KIAA1328: variants seen among roughly 807,000 people sequenced by gnomAD.
KIAA1328 encodes KIAA1328.
Under a neutral mutation model 68.1 loss-of-function variants are expected in KIAA1328, and 52 were observed. The observed-to-expected ratio is 0.76, with a 90% CI of 0.61 to 0.96. The LOEUF is 0.96. KIAA1328 is among the 40% of genes least tolerant of loss of function. The pLI, the probability that KIAA1328 is intolerant of heterozygous loss-of-function variation, is 0.00. For missense variants in KIAA1328, 641 were observed against 677.6 expected (o/e 0.95, Z 0.60); for synonymous variants, 232 against 239.4 (o/e 0.97, Z 0.28).
At chr18:36,915,578 C>T (rs976581994) in intron 5 of KIAA1328, among the ~76,000 whole-genome samples, 7 of 152,126 alleles carry the variant, frequency 4.6e-5, no homozygotes, top group Admixed American at 2.6e-4. Context: ...ACATGTCCAA[C>T]ATCTTTACTC....
chr18:37,186,583 A>G (rs1018349792), intron 9 of KIAA1328, among the ~76,000 whole-genome samples: 1 of 151,498 alleles, frequency 6.6e-6, no homozygotes, highest in African/African-American at 2.4e-5. Context: ...AAAAAAAAAA[A>G]AAAACCATGA....
chr18:36,996,996 T>A (rs1057237382), intron 6 of KIAA1328, among the ~76,000 whole-genome samples: 4 of 152,176 alleles, frequency 2.6e-5, no homozygotes, highest in African/African-American at 9.7e-5. Flanking sequence ...GACATTCAAA[T>A]AGAAGGAAGC....
intron 7 of KIAA1328, among the ~76,000 whole-genome samples, chr18:37,139,512 C>T (rs1424368591): frequency 6.6e-6 from 1 of 152,020 alleles, no homozygotes; most frequent in African/African-American, 2.4e-5. Context: ...AATTTAAATG[C>T]TAGTTTATGG....
chr18:37,212,932 T>G (rs2060345574), intron 9 of KIAA1328, among the ~76,000 whole-genome samples: 1 of 152,102 alleles, frequency 6.6e-6, no homozygotes, highest in Admixed American at 6.6e-5. Flanking sequence ...TTGGCCAGGA[T>G]GGTCTCAAAC....
chr18:36,948,397 G>C (rs544596851), intron 5 of KIAA1328, among the ~76,000 whole-genome samples: 12 of 151,490 alleles, frequency 7.9e-5, no homozygotes, highest in Middle Eastern at 6.8e-3. Context: ...GAGTAGCTGG[G>C]ATTACAGGCA....
intron 6 of KIAA1328, among the ~76,000 whole-genome samples, chr18:37,059,449 T>A (rs1196493239): frequency 6.6e-6 from 1 of 152,152 alleles, no homozygotes; most frequent in Non-Finnish European, 1.5e-5. Context: ...AGCTCATCAT[T>A]ACTGGTCATT....
intron 3 of KIAA1328, among the ~76,000 whole-genome samples, chr18:36,837,911 T>G (rs1422973897): frequency 6.6e-6 from 1 of 152,232 alleles, no homozygotes; most frequent in Non-Finnish European, 1.5e-5. Flanking sequence ...GGGTTTATTT[T>G]TGGACTCTCT....
chr18:37,187,213 C>A (rs2059820375), intron 9 of KIAA1328, among the ~76,000 whole-genome samples: 1 of 151,720 alleles, frequency 6.6e-6, no homozygotes, highest in Non-Finnish European at 1.5e-5. Context: ...ACCCCCAAAT[C>A]CTAATAAATG....
chr18:37,096,857 CT>C (rs2057425247), intron 7 of KIAA1328, among the ~76,000 whole-genome samples: 2 of 152,272 alleles, frequency 1.3e-5, no homozygotes, highest in Non-Finnish European at 2.9e-5. Context: ...TGTCTTTTGG[CT>C]GCATAAATGT....
rs572166170 is a variant in KIAA1328, at chr18:36,845,278, A to C, written c.332+976A>C. Among the ~76,000 whole-genome samples the C allele has an allele frequency of 4.0e-5, 6 of 151,856 alleles. No homozygotes were observed. The South Asian group carries it at 1.2e-3, about 31-fold the overall frequency. ...TTGGCTGCCCTATTTTCTAAAGTAG[A>C]GTTTTCATTAATTTCAGTGTTCTTT... is the stretch of plus-strand genomic sequence containing the variant. On this transcript the variant is annotated intron_variant, in intron 4 of 9. Transcript: ENST00000280020.
intron 8 of KIAA1328, among the ~76,000 whole-genome samples, chr18:37,169,097 T>C (rs546312008): frequency 2.8e-4 from 42 of 152,094 alleles, no homozygotes; most frequent in African/African-American, 1.0e-3. Context: ...TACACATTTA[T>C]GTATGAAATC....
intron 6 of KIAA1328, among the ~76,000 whole-genome samples, chr18:37,061,384 G>A (rs1466979642): frequency 6.6e-6 from 1 of 152,154 alleles, no homozygotes; most frequent in East Asian, 1.9e-4. Context: ...TAATGGAAAT[G>A]TTCTATAACT....
chr18:37,086,656 A>T (rs1342155080), intron 7 of KIAA1328, among the ~76,000 whole-genome samples: 4 of 152,172 alleles, frequency 2.6e-5, no homozygotes, highest in Admixed American at 2.0e-4. Flanking sequence ...GTCTTTAGTC[A>T]ATCTTCATGT....
intron 5 of KIAA1328, among the ~76,000 whole-genome samples, chr18:36,893,225 G>A (rs1223239191): frequency 3.3e-5 from 5 of 152,084 alleles, no homozygotes; most frequent in African/African-American, 1.2e-4. Flanking sequence ...CTCCAGTCCC[G>A]TATGTATGAA....
intron 7 of KIAA1328, among the ~76,000 whole-genome samples, chr18:37,139,277 T>C (rs1408414451): frequency 6.6e-6 from 1 of 152,188 alleles, no homozygotes; most frequent in Non-Finnish European, 1.5e-5. Flanking sequence ...TGTTGTTCTT[T>C]AAACACTTCG....
rs28847871 is a variant in KIAA1328, at chr18:36,851,900, A to G, written c.332+7598A>G. On this transcript the variant is annotated intron_variant, in intron 4 of 9. Transcript: ENST00000280020. ...GTTACTGATTTGAGATCTCTTTTTT[A>G]ATTTAAGGTAGGAATTTATAGCTAT... Among the ~76,000 whole-genome samples the G allele has an allele frequency of 2.8e-3, 427 of 151,488 alleles. 3 individuals carry two copies. The highest frequency in any genetic ancestry group is 9.9e-3 in the African/African-American group (408 of 41,318).
intron 6 of KIAA1328, among the ~76,000 whole-genome samples, chr18:37,013,281 C>T (rs1345293885): frequency 6.6e-6 from 1 of 152,052 alleles, no homozygotes; most frequent in African/African-American, 2.4e-5. Context: ...CTTATATGAC[C>T]TTTGAAAAAT....
At chr18:36,835,426 G>T (rs1302381896) in intron 3 of KIAA1328, 50 bp downstream of exon 3, 3 of 1,537,556 alleles carry the variant, frequency 2.0e-6, no homozygotes, top group Non-Finnish European at 2.6e-6. Flanking sequence ...GTCTTTATGA[G>T]TGCTGACCAA....
intron 6 of KIAA1328, among the ~76,000 whole-genome samples, chr18:36,973,668 T>A (rs1212407610): frequency 6.6e-6 from 1 of 152,008 alleles, no homozygotes; most frequent in Non-Finnish European, 1.5e-5. Flanking sequence ...AATTACTCAG[T>A]GAAATATTAC....
Sources: gnomAD v4.1 joint callset for allele counts (sites outside exome capture counted in the v4.1 genomes callset) on GRCh38, gnomAD v4.1.1 for gene constraint, MANE v1.5 for transcripts, NCBI Gene and HGNC (gene_info 2026-07-23, HGNC 2026-07-21) for gene names.